EEFSEC: variants seen among roughly 807,000 people sequenced by gnomAD.
EEFSEC encodes the protein selenocysteine-specific elongation factor.
In EEFSEC, 43 loss-of-function variants were observed where a neutral mutation model predicts 42.1. That is an observed-to-expected ratio of 1.02 (90% CI 0.80 to 1.32). The LOEUF (loss-of-function observed/expected upper bound fraction) is 1.32, where lower values mean the gene tolerates loss of function less well. Among genes scored for constraint, EEFSEC ranks in the 40% most tolerant of loss-of-function variants. The pLI is 0.00. For missense variants in EEFSEC, 745 were observed against 803.6 expected, an observed-to-expected ratio of 0.93 and a Z score of 0.88; for synonymous variants, 354 against 339.1, an observed-to-expected ratio of 1.04 and a Z score of -0.48.
chr3:128,166,641 C>T (rs897305762), intron 1 of EEFSEC, among the ~76,000 whole-genome samples: 20 of 151,958 alleles, frequency 1.3e-4, no homozygotes, highest in African/African-American at 4.6e-4. Context: ...GGGGTGACTA[C>T]CACAGGCCCT....
intron 1 of EEFSEC, among the ~76,000 whole-genome samples, chr3:128,154,615 A>G (rs1944339175): frequency 6.6e-6 from 1 of 151,218 alleles, no homozygotes; most frequent in East Asian, 1.9e-4. Flanking sequence ...ACGCCCGGCT[A>G]ATTTTTTTGT....
intron 1 of EEFSEC, among the ~76,000 whole-genome samples, chr3:128,164,615 G>A (rs1355391487): frequency 6.6e-6 from 1 of 152,188 alleles, no homozygotes; most frequent in Non-Finnish European, 1.5e-5. Context: ...CAACTGGCTT[G>A]TGGGAATTGT....
chr3:128,246,885 G>T lies in EEFSEC; in HGVS notation c.366G>T (p.Gly122=). ...TGCTGGTCATCGATGTGACCAAGGG[G>T]ATGCAGACCCAGTCAGCGGAATGCC... ...LMMLVIDVTK[G]MQTQSAECLV... The change falls in exon 2 of 7, where the codon GGG becomes GGT. Residue 122 remains glycine (G), a synonymous_variant. Coordinates refer to ENST00000254730, the MANE Select transcript of EEFSEC (RefSeq NM_021937.5). 2 of 1,614,174 alleles carry T rather than the reference G, an allele frequency of 1.2e-6. No homozygotes were observed. The highest frequency in any genetic ancestry group is 1.3e-5 in the African/African-American group (1 of 75,052).
At chr3:128,182,792 G>A (rs1288934491) in intron 1 of EEFSEC, among the ~76,000 whole-genome samples, 5 of 151,676 alleles carry the variant, frequency 3.3e-5, no homozygotes, top group African/African-American at 1.2e-4. Context: ...AGGAGCCAGA[G>A]GGCTCCCACC....
chr3:128,257,145 G>C (rs992400284), intron 2 of EEFSEC, among the ~76,000 whole-genome samples: 1 of 152,194 alleles, frequency 6.6e-6, no homozygotes, highest in Admixed American at 6.5e-5. Flanking sequence ...CAGCAACTGT[G>C]ATCATTCTGG....
At chr3:128,176,695 T>C (rs531213839) in intron 1 of EEFSEC, among the ~76,000 whole-genome samples, 30 of 152,342 alleles carry the variant, frequency 2.0e-4, no homozygotes, top group Non-Finnish European at 3.4e-4. Flanking sequence ...TCTGAGAAAC[T>C]GAATTTGAAT....
At chr3:128,203,632 T>C (rs1178162664) in intron 1 of EEFSEC, among the ~76,000 whole-genome samples, 1 of 152,234 alleles carries the variant, frequency 6.6e-6, no homozygotes. Flanking sequence ...GAGCCAGGTC[T>C]GCTAGCCCTC....
chr3:128,408,161 A>AGC lies in EEFSEC; in HGVS notation c.1696_1697dup (p.Glu567ProfsTer14), dbSNP rs1203263734. 3 of 1,612,538 alleles carry AGC rather than the reference A, an allele frequency of 1.9e-6. No homozygotes were observed. Among genetic ancestry groups the AGC allele is most frequent in the Non-Finnish European group, 2.5e-6 (3 of 1,179,386 alleles). On this transcript the variant is annotated frameshift_variant, in exon 7 of 7. Transcript: ENST00000254730. LOFTEE classifies it high-confidence loss of function. ...TGGGGAGGCCACCAGGCAGGAGGAG[A>AGC]GCGCCGAGCGGAGCGAGCCCTCACA...
chr3:128,176,371 T>C (rs543348142), intron 1 of EEFSEC, among the ~76,000 whole-genome samples: 23 of 152,048 alleles, frequency 1.5e-4, no homozygotes, highest in African/African-American at 5.5e-4. Context: ...TGAGTGCAGT[T>C]AGAGTTAAGA....
intron 5 of EEFSEC, among the ~76,000 whole-genome samples, chr3:128,344,301 C>G (rs928496689): frequency 6.6e-6 from 1 of 152,342 alleles, no homozygotes; most frequent in Non-Finnish European, 1.5e-5. Context: ...TATTTTGAAA[C>G]CGTTTAATAA....
intron 4 of EEFSEC, among the ~76,000 whole-genome samples, chr3:128,279,124 G>T (rs1207066217): frequency 6.6e-6 from 1 of 152,210 alleles, no homozygotes; most frequent in Non-Finnish European, 1.5e-5. Flanking sequence ...CAAGCAGAGC[G>T]CAGCTAATGT....
At chr3:128,285,288 G>A (rs1301771655) in intron 4 of EEFSEC, among the ~76,000 whole-genome samples, 19 of 152,134 alleles carry the variant, frequency 1.2e-4, no homozygotes, top group Admixed American at 1.2e-3. Flanking sequence ...TGGCGTGGGA[G>A]CTATGGTGCT....
At chr3:128,191,138 A>C (rs1372528087) in intron 1 of EEFSEC, among the ~76,000 whole-genome samples, 1 of 152,200 alleles carries the variant, frequency 6.6e-6, no homozygotes, top group Non-Finnish European at 1.5e-5. Flanking sequence ...ATCATTAAGC[A>C]ATGCATGGTT....
chr3:128,278,746 T>A (rs2066493765), intron 4 of EEFSEC, among the ~76,000 whole-genome samples: 1 of 152,104 alleles, frequency 6.6e-6, no homozygotes, highest in African/African-American at 2.4e-5. Context: ...TGTGAAAGGG[T>A]CTGAGTGGCT....
rs549090467 is a variant in EEFSEC, at chr3:128,374,785, A to G, written c.1600+16412A>G. Among the ~76,000 whole-genome samples the G allele has an allele frequency of 2.6e-5, 4 of 152,344 alleles. No individual in the cohort carries two copies. In the East Asian group the frequency reaches 5.8e-4, roughly 22 times the overall value. On this transcript the variant is annotated intron_variant, in intron 6 of 6. Transcript: ENST00000254730. ...TACTCTTCACAACAAACCTGAAGGA[A>G]TTATAATTATTGAAATTGCCATTTT...
chr3:128,286,410 T>C (rs895343234), intron 4 of EEFSEC, among the ~76,000 whole-genome samples: 7 of 152,256 alleles, frequency 4.6e-5, no homozygotes, highest in African/African-American at 1.7e-4. Flanking sequence ...AATTCTTCCT[T>C]ACAGGAGACT....
At chr3:128,425,701 TGCCCTCCTGG>T in the EEFSEC span, among the ~76,000 whole-genome samples, 496 of 152,180 alleles carry the variant, frequency 3.3e-3, 3 homozygotes, top group African/African-American at 0.012. Flanking sequence ...GAACGAGCTC[TGCCCTCCTGG>T]GCCCTCCTGG....
In EEFSEC at chr3:128,300,706, T is replaced by C. The variant is rs557840152; in HGVS notation, c.786+35925T>C. On this transcript the variant is annotated intron_variant, in intron 4 of 6. Coordinates refer to ENST00000254730, the MANE Select transcript of EEFSEC (RefSeq NM_021937.5). Reference sequence around the variant, plus strand: ...TAATTTAGTAGCTTAAAACAACACATACATATGTATAGACTATGTGCATTG... The same window carrying C: ...TAATTTAGTAGCTTAAAACAACACACACATATGTATAGACTATGTGCATTG... Among the ~76,000 whole-genome samples the C allele has an allele frequency of 6.6e-5, 10 of 152,294 alleles. No homozygotes were observed. The South Asian group carries it at 2.1e-3, about 32-fold the overall frequency.
At chr3:128,270,505 T>G (rs1255274757) in intron 4 of EEFSEC, among the ~76,000 whole-genome samples, 1 of 152,222 alleles carries the variant, frequency 6.6e-6, no homozygotes, top group Non-Finnish European at 1.5e-5. Flanking sequence ...AAATCAAGTC[T>G]ATATTCAGAT....
Sources: allele counts gnomAD v4.1 joint callset (sites outside exome capture counted in the v4.1 genomes callset), GRCh38; gene constraint gnomAD v4.1.1; transcripts MANE v1.5; gene names NCBI Gene and HGNC (gene_info 2026-07-23, HGNC 2026-07-21).